Variants in MDGA2 observed in about 807,000 individuals in gnomAD.
MDGA2 encodes the protein MAM domain-containing glycosylphosphatidylinositol anchor protein 2.
A neutral mutation model predicts 117.8 loss-of-function variants in MDGA2; 40 were observed. The observed-to-expected ratio is 0.34, with a 90% CI of 0.26 to 0.44. MDGA2 has a LOEUF of 0.44. Ranked by LOEUF, MDGA2 falls within the 20% of genes least tolerant of loss-of-function variation. The pLI is 1.00. For missense variants in MDGA2, 1,123 were observed against 1,250.6 expected (o/e 0.90, Z 1.54); for synonymous variants, 452 against 439.0 (o/e 1.03, Z -0.37).
intron 3 of MDGA2, among the ~76,000 whole-genome samples, chr14:47,156,445 C>T (rs967177380): frequency 5.3e-5 from 8 of 152,162 alleles, no homozygotes; most frequent in South Asian, 2.1e-4. Flanking sequence ...CACTACCACT[C>T]GAGTTTCTCT....
chr14:47,034,323 C>T (rs1461953220), intron 8 of MDGA2, among the ~76,000 whole-genome samples: 1 of 152,052 alleles, frequency 6.6e-6, no homozygotes, highest in Non-Finnish European at 1.5e-5. Flanking sequence ...TTAATTAGAA[C>T]TATAACCGTG....
intron 5 of MDGA2, among the ~76,000 whole-genome samples, chr14:47,105,599 C>T (rs986161559): frequency 1.3e-4 from 20 of 151,984 alleles, no homozygotes; most frequent in African/African-American, 4.8e-4. Flanking sequence ...CAGAAAATGG[C>T]ACTTTGAATT....
chr14:47,455,448 G>A (rs985372010), intron 1 of MDGA2, among the ~76,000 whole-genome samples: 2 of 152,146 alleles, frequency 1.3e-5, no homozygotes, highest in Admixed American at 1.3e-4. Context: ...AGAGGTTGCA[G>A]TGAGCCAAGA....
chr14:47,027,156 T>A (rs1888503072), intron 8 of MDGA2, among the ~76,000 whole-genome samples: 1 of 151,714 alleles, frequency 6.6e-6, no homozygotes, highest in African/African-American at 2.4e-5. Context: ...ACAGAGACCC[T>A]GTCTCAAAAA....
chr14:46,962,406 T>C (rs1885847944), intron 8 of MDGA2, among the ~76,000 whole-genome samples: 1 of 152,152 alleles, frequency 6.6e-6, no homozygotes, highest in Non-Finnish European at 1.5e-5. Context: ...ATCCAACTTC[T>C]TGGGAGACAG....
intron 1 of MDGA2, among the ~76,000 whole-genome samples, chr14:47,354,346 G>A (rs1796426125): frequency 6.6e-6 from 1 of 152,058 alleles, no homozygotes; most frequent in South Asian, 2.1e-4. Context: ...ACTGCACATT[G>A]AGTTCTTGTT....
At chr14:47,599,533 T>A (rs913924156) in intron 1 of MDGA2, among the ~76,000 whole-genome samples, 12 of 152,126 alleles carry the variant, frequency 7.9e-5, no homozygotes, top group Non-Finnish European at 1.6e-4. Flanking sequence ...ACCAATGAAT[T>A]TGATCCCATA....
At chr14:47,464,532 TCAA>T (rs1176249498) in intron 1 of MDGA2, among the ~76,000 whole-genome samples, 1 of 151,858 alleles carries the variant, frequency 6.6e-6, no homozygotes, top group Non-Finnish European at 1.5e-5. Context: ...TGCCTATGCA[TCAA>T]CAACAGCCAA....
chr14:47,663,701 A>C (rs1897891490), intron 1 of MDGA2, among the ~76,000 whole-genome samples: 1 of 152,168 alleles, frequency 6.6e-6, no homozygotes, highest in South Asian at 2.1e-4. Context: ...CTGGATCAAA[A>C]CTAGAAGATG....
At chr14:47,477,099 T>G (rs927026367) in intron 1 of MDGA2, among the ~76,000 whole-genome samples, 1 of 152,190 alleles carries the variant, frequency 6.6e-6, no homozygotes, top group African/African-American at 2.4e-5. Flanking sequence ...GAGGTGAAGG[T>G]TGCAGTGAGC....
chr14:47,137,859 C>G lies in MDGA2; in HGVS notation c.793-6013G>C, dbSNP rs887799617. 3.3e-5 allele frequency among the ~76,000 whole-genome samples: 5 copies of G among 152,138 alleles called. 1 individual carries two copies. Among genetic ancestry groups the G allele is most frequent in the Admixed American group, 6.5e-5 (1 of 15,274 alleles). On this transcript the variant is annotated intron_variant, in intron 4 of 16. Coordinates refer to ENST00000399232, the MANE Select transcript of MDGA2 (RefSeq NM_001113498.3). ...GTGAGTTAAAATGATTTCCTGCAGTCAGAAAACAAGATACCAAGATATGTG... is the reference window on the plus strand; with the variant it reads ...GTGAGTTAAAATGATTTCCTGCAGTGAGAAAACAAGATACCAAGATATGTG...
chr14:47,328,869 T>C (rs1890216908), intron 1 of MDGA2, among the ~76,000 whole-genome samples: 1 of 152,082 alleles, frequency 6.6e-6, no homozygotes, highest in Non-Finnish European at 1.5e-5. Flanking sequence ...AATATAAGTG[T>C]TTTGGAAGGC....
chr14:47,211,303 C>T (rs1024599971), intron 3 of MDGA2, among the ~76,000 whole-genome samples: 10 of 152,108 alleles, frequency 6.6e-5, no homozygotes, highest in Non-Finnish European at 1.2e-4. Flanking sequence ...TCCCTACTTG[C>T]TAATATGTTA....
chr14:46,873,157 C>T (rs573661650), intron 14 of MDGA2, among the ~76,000 whole-genome samples: 7 of 152,016 alleles, frequency 4.6e-5, no homozygotes, highest in African/African-American at 1.7e-4. Context: ...GTGTCAATTC[C>T]ATGAGACCTG....
At chr14:47,637,615 A>T (rs1033278728) in intron 1 of MDGA2, among the ~76,000 whole-genome samples, 19 of 152,320 alleles carry the variant, frequency 1.2e-4, no homozygotes, top group African/African-American at 4.6e-4. Flanking sequence ...TTAAAAATCT[A>T]AATTCTGCAT....
At chr14:47,604,487 A>ACCCCCCCCCCCCCCC (rs60602833) in intron 1 of MDGA2, among the ~76,000 whole-genome samples, 24 of 92,112 alleles carry the variant, frequency 2.6e-4, no homozygotes, top group East Asian at 4.3e-4. Flanking sequence ...CAGCTTCCCC[A>ACCCCCCCCCCCCCCC]CCCCCCCCCA....
chr14:47,523,721 T>G (rs1341125160), intron 1 of MDGA2, among the ~76,000 whole-genome samples: 1 of 152,102 alleles, frequency 6.6e-6, no homozygotes, highest in African/African-American at 2.4e-5. Flanking sequence ...TGTGAGCCTA[T>G]AGCTAGACTA....
At chr14:47,244,780 G>T (rs961638413) in intron 2 of MDGA2, among the ~76,000 whole-genome samples, 1 of 151,700 alleles carries the variant, frequency 6.6e-6, no homozygotes, top group African/African-American at 2.4e-5. Flanking sequence ...TTCTGTGTCT[G>T]TATATTTTTA....
intron 14 of MDGA2, among the ~76,000 whole-genome samples, chr14:46,868,415 C>A (rs1881864495): frequency 6.6e-6 from 1 of 151,800 alleles, no homozygotes; most frequent in Non-Finnish European, 1.5e-5. Flanking sequence ...TCCCATCAAG[C>A]CTACAGTTCA....
Sources: allele counts gnomAD v4.1 joint callset (sites outside exome capture counted in the v4.1 genomes callset), GRCh38; gene constraint gnomAD v4.1.1; transcripts MANE v1.5; gene names NCBI Gene and HGNC (gene_info 2026-07-23, HGNC 2026-07-21).